PTPRG: variants seen among roughly 807,000 people sequenced by gnomAD.
The protein encoded by PTPRG is receptor-type tyrosine-protein phosphatase gamma.
A neutral mutation model predicts 165.3 loss-of-function variants in PTPRG; 102 were observed. The ratio of observed to expected loss-of-function variants is 0.62; its 90% CI spans 0.53 to 0.73. The LOEUF (loss-of-function observed/expected upper bound fraction) is 0.73, where lower values mean the gene tolerates loss of function less well. Ranked by LOEUF, PTPRG falls within the 30% of genes least tolerant of loss-of-function variation. The pLI, the probability that PTPRG is intolerant of heterozygous loss-of-function variation, is 0.00. For synonymous variants in PTPRG, 675 were observed against 669.5 expected (o/e 1.01, Z -0.13); for missense variants, 1,866 against 1,861.4 (o/e 1.00, Z -0.05).
At chr3:61,807,311 C>T (rs1211440946) in intron 2 of PTPRG, among the ~76,000 whole-genome samples, 4 of 152,164 alleles carry the variant, frequency 2.6e-5, no homozygotes, top group East Asian at 1.9e-4. Context: ...GTTCATCAGA[C>T]GTATAAGCAG....
At chr3:61,763,922 C>T (rs1402895131) in intron 2 of PTPRG, among the ~76,000 whole-genome samples, 1 of 152,068 alleles carries the variant, frequency 6.6e-6, no homozygotes, top group East Asian at 1.9e-4. Context: ...ATTTAAGATT[C>T]AGTTTCTCAG....
At chr3:61,581,391 G>A (rs952752566) in intron 1 of PTPRG, among the ~76,000 whole-genome samples, 2 of 152,260 alleles carry the variant, frequency 1.3e-5, no homozygotes, top group Admixed American at 1.3e-4. Flanking sequence ...AGAAGCCCTG[G>A]TTTTAGTAGC....
chr3:61,699,088 T>G (rs909979548), intron 1 of PTPRG, among the ~76,000 whole-genome samples: 4 of 152,116 alleles, frequency 2.6e-5, no homozygotes, highest in East Asian at 1.9e-4. Context: ...AGTTAATGGG[T>G]GCAGCACAGC....
At chr3:61,685,758 A>T (rs920282786) in intron 1 of PTPRG, among the ~76,000 whole-genome samples, 1 of 152,126 alleles carries the variant, frequency 6.6e-6, no homozygotes, top group Non-Finnish European at 1.5e-5. Flanking sequence ...CATGTAGTTT[A>T]TTTCCTACAC....
intron 4 of PTPRG, among the ~76,000 whole-genome samples, chr3:62,049,872 C>A (rs75643367): frequency 0.1 from 15,940 of 152,224 alleles, 1,013 homozygotes; most frequent in Middle Eastern, 0.21. Context: ...TATAGACTTT[C>A]TCATACTTCG....
At chr3:61,571,444 T>G (rs1024215350) in intron 1 of PTPRG, among the ~76,000 whole-genome samples, 17 of 152,230 alleles carry the variant, frequency 1.1e-4, no homozygotes, top group Non-Finnish European at 2.9e-5. Context: ...TTTTCCCATA[T>G]AAGCAAGTGC....
At chr3:61,874,213 T>C (rs2037661388) in intron 2 of PTPRG, among the ~76,000 whole-genome samples, 1 of 152,138 alleles carries the variant, frequency 6.6e-6, no homozygotes, top group South Asian at 2.1e-4. Flanking sequence ...GCACTACCCC[T>C]GTTTTCTTTC....
intron 4 of PTPRG, among the ~76,000 whole-genome samples, chr3:62,028,567 G>A (rs540732935): frequency 6.4e-4 from 97 of 152,320 alleles, no homozygotes; most frequent in Middle Eastern, 3.4e-3. Context: ...ACCGTATTAT[G>A]TTATGTTGCA....
chr3:61,748,252 G>C (rs2033289768), intron 1 of PTPRG, among the ~76,000 whole-genome samples: 5 of 152,182 alleles, frequency 3.3e-5, no homozygotes, highest in Admixed American at 2.6e-4. Flanking sequence ...GTTTCAGATT[G>C]TCCTGTGTTT....
chr3:62,119,889 C>A (rs539239184), intron 5 of PTPRG, among the ~76,000 whole-genome samples: 21 of 149,396 alleles, frequency 1.4e-4, no homozygotes, highest in Middle Eastern at 7.4e-3. Flanking sequence ...CCACCTTGGG[C>A]TCCCAAAGTG....
At chr3:62,168,304 C>T in intron 8 of PTPRG, 141 bp downstream of exon 8, 1 of 821,422 alleles carries the variant, frequency 1.2e-6, no homozygotes, top group Non-Finnish European at 1.9e-6. Flanking sequence ...GCCTGTCTGG[C>T]TGAAAAATAG....
chr3:62,203,085 G>A lies in PTPRG; in HGVS notation c.1378-88G>A. On this transcript the variant is annotated intron_variant, in intron 11 of 29. Transcript: ENST00000474889. The surrounding 1 kb of genome is among the most constrained non-coding windows in gnomAD (Gnocchi z 6.4). ...TAAAATCCTCAGAGGGTGACAACCA[G>A]GGCCTCATTCCCAATCTCAATTACT... is the stretch of plus-strand genomic sequence containing the variant. 6.6e-7 allele frequency: 1 copy of A among 1,511,796 alleles called. No individual in the cohort carries two copies. Among genetic ancestry groups the A allele is most frequent in the South Asian group, 1.3e-5 (1 of 74,138 alleles). The allele number at this position is 1,511,796 out of a possible 1,614,324, so 93.6% of individuals were successfully genotyped here.
At chr3:62,045,076 AT>A (rs1700246195) in intron 4 of PTPRG, among the ~76,000 whole-genome samples, 1 of 152,200 alleles carries the variant, frequency 6.6e-6, no homozygotes, top group African/African-American at 2.4e-5. Flanking sequence ...CAGCCATTTC[AT>A]GAAACTCATA....
chr3:62,031,105 A>G (rs1358238237), intron 4 of PTPRG, among the ~76,000 whole-genome samples: 1 of 152,238 alleles, frequency 6.6e-6, no homozygotes, highest in African/African-American at 2.4e-5. Context: ...TATTGAAGGA[A>G]GGATGAACAA....
intron 4 of PTPRG, among the ~76,000 whole-genome samples, chr3:62,038,462 A>T (rs1318720072): frequency 6.6e-6 from 1 of 151,944 alleles, no homozygotes; most frequent in Non-Finnish European, 1.5e-5. Context: ...CAGTGGTGTA[A>T]TCTTGGCTCA....
intron 5 of PTPRG, among the ~76,000 whole-genome samples, chr3:62,087,111 A>G (rs1474295848): frequency 6.6e-6 from 1 of 152,234 alleles, no homozygotes; most frequent in East Asian, 1.9e-4. Context: ...TGTAAGTCAC[A>G]GAATGTGATT....
Position 62,277,689 on chromosome 3 carries a change from G to A in PTPRG, c.3765+10G>A, listed in dbSNP as rs1702275356. ...AGACAACCAGAGCTTGGTAAGTAAA[G>A]CACATCTGCTATATATTAATGAGCC... On this transcript the variant is annotated intron_variant, in intron 26 of 29. Transcript: ENST00000474889. The A allele has an allele frequency of 6.2e-7, 1 of 1,611,472 alleles. No homozygotes were observed. Among genetic ancestry groups the A allele is most frequent in the Non-Finnish European group, 8.5e-7 (1 of 1,178,974 alleles).
chr3:61,865,595 A>G (rs1369104004), intron 2 of PTPRG, among the ~76,000 whole-genome samples: 2 of 152,244 alleles, frequency 1.3e-5, no homozygotes, highest in Non-Finnish European at 2.9e-5. Context: ...ATACCTGGTC[A>G]TAATGAAATC....
chr3:62,256,680 T>C (rs1362141999), intron 16 of PTPRG, among the ~76,000 whole-genome samples: 1 of 152,212 alleles, frequency 6.6e-6, no homozygotes, highest in Non-Finnish European at 1.5e-5. Context: ...TTGATGGTAT[T>C]CAGGACAAAC....
Sources: gnomAD v4.1 joint callset for allele counts (sites outside exome capture counted in the v4.1 genomes callset) on GRCh38, gnomAD v4.1.1 for gene constraint, Gnocchi (gnomAD v3.1) non-coding constraint, MANE v1.5 for transcripts, NCBI Gene and HGNC (gene_info 2026-07-23, HGNC 2026-07-21) for gene names.